Variants in IGFBP2 observed in about 807,000 individuals in gnomAD.
IGFBP2 encodes insulin-like growth factor-binding protein 2.
A neutral mutation model predicts 26.2 loss-of-function variants in IGFBP2; 12 were observed. The observed-to-expected ratio is 0.46, with a 90% CI of 0.29 to 0.74. The LOEUF (loss-of-function observed/expected upper bound fraction) is 0.74. IGFBP2 is among the 30% of genes least tolerant of loss of function. The probability of loss-of-function intolerance (pLI) is 0.09; values close to 1 mark genes in which losing one functional copy is unlikely to be tolerated. For synonymous variants in IGFBP2, 189 were observed against 200.6 expected (o/e 0.94, Z 0.49); for missense variants, 328 against 441.2 (o/e 0.74, Z 2.30).
intron 1 of IGFBP2, among the ~76,000 whole-genome samples, chr2:216,638,461 C>T (rs1010518038): frequency 1.3e-5 from 2 of 151,920 alleles, no homozygotes; most frequent in South Asian, 2.1e-4. Flanking sequence ...GCCGAGATGG[C>T]GCCACTCCAC....
Position 216,650,358 on chromosome 2 carries a change from G to C in IGFBP2, c.443-10199G>C, listed in dbSNP as rs183574802. On this transcript the variant is annotated intron_variant, in intron 1 of 3. Coordinates refer to ENST00000233809, the MANE Select transcript of IGFBP2 (RefSeq NM_000597.3). ...CGTCACTCAGAATCCCAGGGGTGGT[G>C]GTGAAGTCAGGATCGAACCTCAGTC... Among the ~76,000 whole-genome samples, 13 of 152,330 alleles carry C rather than the reference G, an allele frequency of 8.5e-5. No homozygotes were observed. The East Asian group carries it at 2.5e-3, about 29-fold the overall frequency.
At chr2:216,638,506 A>AAAAAT (rs1034480598) in intron 1 of IGFBP2, among the ~76,000 whole-genome samples, 1 of 152,096 alleles carries the variant, frequency 6.6e-6, no homozygotes, top group African/African-American at 2.4e-5. Flanking sequence ...ACTCCGTCTC[A>AAAAAT]AAAATAAAAT....
intron 1 of IGFBP2, among the ~76,000 whole-genome samples, chr2:216,647,734 A>T (rs749124539): frequency 1.3e-5 from 2 of 152,032 alleles, no homozygotes; most frequent in Non-Finnish European, 2.9e-5. Flanking sequence ...GTTAGCCAGG[A>T]TGGTCTCGAT....
chr2:216,640,489 G>T (rs532994223), intron 1 of IGFBP2, among the ~76,000 whole-genome samples: 3 of 152,170 alleles, frequency 2.0e-5, no homozygotes, highest in Non-Finnish European at 4.4e-5. Context: ...CACTGAGATG[G>T]CAGGCAGCCG....
chr2:216,656,095 C>T (rs765498704), intron 1 of IGFBP2, among the ~76,000 whole-genome samples: 5 of 152,016 alleles, frequency 3.3e-5, no homozygotes, highest in Non-Finnish European at 7.4e-5. Context: ...CCTTCAGGCC[C>T]GAATGCACAT....
intron 1 of IGFBP2, among the ~76,000 whole-genome samples, chr2:216,639,980 G>T (rs1019176302): frequency 3.9e-5 from 6 of 152,120 alleles, no homozygotes; most frequent in Admixed American, 2.6e-4. Flanking sequence ...TCCAGGGAGT[G>T]CATTTCGTCT....
At chr2:216,655,591 A>G (rs1300351051) in intron 1 of IGFBP2, among the ~76,000 whole-genome samples, 2 of 152,114 alleles carry the variant, frequency 1.3e-5, no homozygotes, top group Non-Finnish European at 2.9e-5. Context: ...GCAGTTTTTT[A>G]TAGCAGTGTG....
intron 1 of IGFBP2, 139 bp from the exon 2 acceptor site, chr2:216,660,418 G>C (rs965709317): frequency 1.6e-6 from 1 of 626,386 alleles, no homozygotes; most frequent in Non-Finnish European, 2.8e-6. Context: ...TGCTCAGCAC[G>C]GGCCCTGACA....
chr2:216,643,900 C>A (rs1697661779), intron 1 of IGFBP2, among the ~76,000 whole-genome samples: 3 of 152,212 alleles, frequency 2.0e-5, no homozygotes, highest in Admixed American at 2.0e-4. Context: ...TCCCACCCTC[C>A]ACACTCACAA....
At chr2:216,661,369 G>A (rs943222006) in intron 2 of IGFBP2, 12 of 280,308 alleles carry the variant, frequency 4.3e-5, no homozygotes, top group Non-Finnish European at 6.9e-5. Context: ...CTCCCGAAGC[G>A]CTGGGATTAC....
chr2:216,653,010 A>T (rs1303867007), intron 1 of IGFBP2, among the ~76,000 whole-genome samples: 1 of 152,170 alleles, frequency 6.6e-6, no homozygotes, highest in East Asian at 1.9e-4. Flanking sequence ...GGAAAATGGT[A>T]AGTCTTTCTT....
At chr2:216,661,520 C>G (rs945187643) in intron 2 of IGFBP2, 2 of 400,754 alleles carry the variant, frequency 5.0e-6, no homozygotes, top group African/African-American at 4.1e-5. Flanking sequence ...AGAAGTGGAG[C>G]TTGGGCATGG....
intron 1 of IGFBP2, among the ~76,000 whole-genome samples, chr2:216,647,443 A>G (rs1005192509): frequency 6.6e-6 from 1 of 152,240 alleles, no homozygotes; most frequent in South Asian, 2.1e-4. Flanking sequence ...CTGTGAAGAA[A>G]GTTGGGTCAA....
In IGFBP2 at chr2:216,659,020, C is replaced by T. The variant is rs142614893; in HGVS notation, c.443-1537C>T. Among the ~76,000 whole-genome samples the T allele has an allele frequency of 1.4e-4, 21 of 152,328 alleles. No individual in the cohort carries two copies. The East Asian group carries it at 3.5e-3, about 25-fold the overall frequency. Reference sequence around the variant, plus strand: ...AAAATGGCAGAGCTGGACTTTAACCCGGCTACACCCCTTTAACCAGAGCTG... The same window carrying T: ...AAAATGGCAGAGCTGGACTTTAACCTGGCTACACCCCTTTAACCAGAGCTG... On this transcript the variant is annotated intron_variant, in intron 1 of 3. Coordinates refer to ENST00000233809, the MANE Select transcript of IGFBP2 (RefSeq NM_000597.3).
intron 1 of IGFBP2, among the ~76,000 whole-genome samples, chr2:216,645,542 A>G (rs553513341): frequency 2.0e-5 from 3 of 152,330 alleles, no homozygotes; most frequent in South Asian, 2.1e-4. Context: ...GAAATTACCA[A>G]CCTCATGTGC....
intron 1 of IGFBP2, among the ~76,000 whole-genome samples, chr2:216,650,392 C>G (rs559201900): frequency 1.3e-5 from 2 of 152,368 alleles, no homozygotes; most frequent in Admixed American, 1.3e-4. Flanking sequence ...TCCTTCCTCC[C>G]ACACTGGGAC....
At chr2:216,638,800 C>T (rs577995771) in intron 1 of IGFBP2, among the ~76,000 whole-genome samples, 194 of 150,934 alleles carry the variant, frequency 1.3e-3, no homozygotes, top group Middle Eastern at 3.5e-3. Context: ...CCTGGGTTCA[C>T]GCCATTCTCC....
At chr2:216,651,666 T>C (rs1398980492) in intron 1 of IGFBP2, among the ~76,000 whole-genome samples, 1 of 152,234 alleles carries the variant, frequency 6.6e-6, no homozygotes, top group Non-Finnish European at 1.5e-5. Context: ...TTCCATGCAT[T>C]TGGCCATTCT....
intron 1 of IGFBP2, among the ~76,000 whole-genome samples, chr2:216,654,139 G>A (rs1175717233): frequency 6.6e-6 from 1 of 152,108 alleles, no homozygotes; most frequent in Non-Finnish European, 1.5e-5. Flanking sequence ...GCTGGAGTTC[G>A]ACATCTGGAA....
Sources: gnomAD v4.1 joint callset for allele counts (sites outside exome capture counted in the v4.1 genomes callset) on GRCh38, gnomAD v4.1.1 for gene constraint, MANE v1.5 for transcripts, NCBI Gene and HGNC (gene_info 2026-07-23, HGNC 2026-07-21) for gene names.